The following ARMC9 variants were observed in gnomAD, a reference collection of about 807,000 sequenced individuals.
ARMC9 encodes the protein armadillo repeat containing 9.
A neutral mutation model predicts 107.0 loss-of-function variants in ARMC9; 94 were observed. The ratio of observed to expected loss-of-function variants is 0.88; its 90% CI spans 0.74 to 1.04. ARMC9 has a LOEUF of 1.04. Among genes scored for constraint, ARMC9 ranks in the 50% least tolerant of loss-of-function variants. ARMC9 has a pLI of 0.00. For missense variants in ARMC9, 942 were observed against 1,030.1 expected (o/e 0.91, Z 1.17); for synonymous variants, 380 against 396.9 (o/e 0.96, Z 0.51).
chr2:231,280,512 T>TATATATAC (rs1018579046), intron 16 of ARMC9, among the ~76,000 whole-genome samples: 1 of 152,060 alleles, frequency 6.6e-6, no homozygotes, highest in Non-Finnish European at 1.5e-5. Context: ...AAATGACATA[T>TATATATAC]ATATATACAT....
chr2:231,344,229 C>G (rs1729085), intron 20 of ARMC9, among the ~76,000 whole-genome samples: 113,716 of 152,196 alleles, frequency 0.75, 43,753 homozygotes, highest in African/African-American at 0.93. Flanking sequence ...TTTTCCAAGA[C>G]TTGTCTCAAA....
rs2167397 is a variant in ARMC9 at position 231,376,281 on chromosome 2, T to C, written c.*4746T>C. On this transcript the variant is annotated 3_prime_UTR_variant, in exon 25 of 25. Transcript: ENST00000611582. Reference sequence around the variant, plus strand: ...AGAGATAACCTTAAACTCTGACCACTGGTGAGTCGGGCGGAACAGAGCCAT... The same window carrying C: ...AGAGATAACCTTAAACTCTGACCACCGGTGAGTCGGGCGGAACAGAGCCAT... Among the ~76,000 whole-genome samples the C allele has an allele frequency of 0.23, 34,532 of 152,128 alleles. 9,093 individuals carry two copies. Among genetic ancestry groups the C allele is most frequent in the African/African-American group, 0.64 (26,671 of 41,410 alleles).
intron 9 of ARMC9, 100 bp from the exon 10 acceptor site, chr2:231,256,486 T>G (rs1183486659): frequency 6.9e-7 from 1 of 1,459,164 alleles, no homozygotes; most frequent in African/African-American, 1.4e-5. Flanking sequence ...AAAACCTAAC[T>G]TGCACATCTG....
rs754115975 is a variant in ARMC9 at position 231,345,054 on chromosome 2, C to T, written c.1958C>T (p.Pro653Leu). The change falls in exon 21 of 25, where the codon CCC becomes CTC. Residue 653 changes from proline to leucine, a missense_variant. Pro to Leu is a moderately conservative substitution (Grantham distance 98). Coordinates refer to ENST00000611582, the MANE Select transcript of ARMC9 (RefSeq NM_001352754.2). ...QWSGDEPLQRPVTPGGHRNGY... is the reference protein window; with the variant it reads ...QWSGDEPLQRLVTPGGHRNGY... ...AGCGGGGATGAGCCCCTGCAAAGGCCCGTCACCCCCGGCGGCCACAGAAAC... is the reference window on the plus strand; with the variant it reads ...AGCGGGGATGAGCCCCTGCAAAGGCTCGTCACCCCCGGCGGCCACAGAAAC... The T allele has an allele frequency of 6.2e-7, 1 of 1,613,756 alleles. No homozygotes were observed. Among genetic ancestry groups the T allele is most frequent in the Non-Finnish European group, 8.5e-7 (1 of 1,179,932 alleles).
At chr2:231,342,617 C>T (rs1439903861) in intron 20 of ARMC9, among the ~76,000 whole-genome samples, 1 of 151,906 alleles carries the variant, frequency 6.6e-6, no homozygotes, top group Non-Finnish European at 1.5e-5. Context: ...CCCTGGAGCA[C>T]CGTGATGAGA....
intron 21 of ARMC9, among the ~76,000 whole-genome samples, chr2:231,348,628 C>T (rs1354629102): frequency 6.6e-6 from 1 of 152,144 alleles, no homozygotes; most frequent in Non-Finnish European, 1.5e-5. Context: ...AGGAAACAAT[C>T]AACAAAGTGA....
At chr2:231,236,364 G>A (rs570414427) in intron 8 of ARMC9, among the ~76,000 whole-genome samples, 1 of 152,200 alleles carries the variant, frequency 6.6e-6, no homozygotes, top group African/African-American at 2.4e-5. Context: ...ATTGGCTATG[G>A]CCTATGGGAT....
intron 23 of ARMC9, among the ~76,000 whole-genome samples, chr2:231,361,253 G>A (rs564145925): frequency 7.9e-5 from 12 of 152,200 alleles, no homozygotes; most frequent in Non-Finnish European, 1.8e-4. Flanking sequence ...GCAGAAAGAT[G>A]GAGAAGGAGG....
chr2:231,278,247 C>T (rs779880223), intron 15 of ARMC9, 135 bp from the exon 16 acceptor site: 135 of 784,552 alleles, frequency 1.7e-4, no homozygotes, highest in African/African-American at 9.0e-4. Context: ...ATGACTCACC[C>T]GAGGTCATAC....
intron 19 of ARMC9, among the ~76,000 whole-genome samples, chr2:231,300,476 C>T (rs2125491746): frequency 6.6e-6 from 1 of 152,368 alleles, no homozygotes; most frequent in Non-Finnish European, 1.5e-5. Flanking sequence ...ATTCTGACAA[C>T]AGCAGCTCCC....
intron 12 of ARMC9, among the ~76,000 whole-genome samples, chr2:231,265,481 G>A (rs954547557): frequency 6.6e-6 from 1 of 152,088 alleles, no homozygotes; most frequent in Non-Finnish European, 1.5e-5. Flanking sequence ...ATTCTAAGTG[G>A]GGTAACTCAG....
At chr2:231,271,297 G>T (rs561007895) in intron 13 of ARMC9, among the ~76,000 whole-genome samples, 1 of 152,044 alleles carries the variant, frequency 6.6e-6, no homozygotes, top group African/African-American at 2.4e-5. Flanking sequence ...TAAACCTCCC[G>T]GTTTTATTTT....
At chr2:231,312,506 G>C (rs1041384793) in intron 19 of ARMC9, among the ~76,000 whole-genome samples, 2 of 152,202 alleles carry the variant, frequency 1.3e-5, no homozygotes, top group Non-Finnish European at 2.9e-5. Flanking sequence ...AGTTTGTGGC[G>C]GTTAAACAGT....
intron 10 of ARMC9, among the ~76,000 whole-genome samples, chr2:231,257,746 G>A (rs907697975): frequency 1.1e-4 from 16 of 152,100 alleles, no homozygotes; most frequent in African/African-American, 3.6e-4. Flanking sequence ...TAGTTAATAC[G>A]TATACAACAC....
chr2:231,297,901 T>TTTGGGTTTTTCGGTTTGC lies in ARMC9; in HGVS notation c.1773+1651_1773+1668dup, dbSNP rs2041482025. ...TTTTCTTCCCTTCTTGTATCATCCC[T>TTTGGGTTTTTCGGTTTGC]TTGGGTTTTTCGGTTTGCTTTGGTT... On this transcript the variant is annotated intron_variant, in intron 19 of 24. Coordinates refer to ENST00000611582, the MANE Select transcript of ARMC9 (RefSeq NM_001352754.2). This position sits in a 1 kb window ranked among gnomAD's most constrained non-coding sequence, Gnocchi z 4.2. Among the ~76,000 whole-genome samples, 3 of 152,358 alleles carry TTTGGGTTTTTCGGTTTGC rather than the reference T, an allele frequency of 2.0e-5. No individual in the cohort carries two copies. The highest frequency in any genetic ancestry group is 4.1e-4 in the South Asian group (2 of 4,834).
At chr2:231,212,325 A>G (rs2032983365) in intron 3 of ARMC9, among the ~76,000 whole-genome samples, 1 of 152,198 alleles carries the variant, frequency 6.6e-6, no homozygotes, top group African/African-American at 2.4e-5. Context: ...CTCAGGGACC[A>G]TTTCCAGGTA....
chr2:231,375,712 G>A lies in ARMC9; in HGVS notation c.*4177G>A, dbSNP rs905037839. On this transcript the variant is annotated 3_prime_UTR_variant, in exon 25 of 25. Transcript: ENST00000611582. This position sits in a 1 kb window ranked among gnomAD's most constrained non-coding sequence, Gnocchi z 4.3. ...TCAGGCAGGTTTCTAGGAAATGGTT[G>A]CAAAATTAGCAAAAAGTCAGGGCTA... Among the ~76,000 whole-genome samples, 8 of 152,204 alleles carry A rather than the reference G, an allele frequency of 5.3e-5. No homozygotes were observed. The highest frequency in any genetic ancestry group is 8.8e-5 in the Non-Finnish European group (6 of 68,034).
chr2:231,343,331 T>C (rs2044631376), intron 20 of ARMC9, among the ~76,000 whole-genome samples: 1 of 151,170 alleles, frequency 6.6e-6, no homozygotes, highest in African/African-American at 2.4e-5. Flanking sequence ...CTGCCTAAGA[T>C]ACTAGATAAA....
rs1469273083 is a variant in ARMC9 at position 231,282,035 on chromosome 2, C to T, written c.1552-24C>T. On this transcript the variant is annotated intron_variant, in intron 16 of 24. Coordinates refer to ENST00000611582, the MANE Select transcript of ARMC9 (RefSeq NM_001352754.2). ...GCAGTATTTGAAAACTTGCAAATAA[C>T]TGGTTTTTTTCCTCCCCTTAAAGAT... 4 of 1,609,720 alleles carry T rather than the reference C, an allele frequency of 2.5e-6. No homozygotes were observed. The Admixed American group carries it at 5.0e-5, about 20-fold the overall frequency.
Sources: gnomAD v4.1 joint callset for allele counts (sites outside exome capture counted in the v4.1 genomes callset) on GRCh38, gnomAD v4.1.1 for gene constraint, Gnocchi (gnomAD v3.1) non-coding constraint, MANE v1.5 for transcripts, NCBI Gene and HGNC (gene_info 2026-07-23, HGNC 2026-07-21) for gene names.